The following LCN1 variants were observed in gnomAD, a reference collection of about 807,000 sequenced individuals.
The protein encoded by LCN1 is lipocalin 1.
LCN1 carries 25 observed loss-of-function variants against 22.3 expected under a neutral mutation model. That is an observed-to-expected ratio of 1.12 (90% CI 0.82 to 1.56). The LOEUF (loss-of-function observed/expected upper bound fraction) is 1.56. Ranked by LOEUF, LCN1 falls within the 40% of genes most tolerant of loss-of-function variation. LCN1 has a pLI of 0.00. For synonymous variants in LCN1, 85 were observed against 97.6 expected (o/e 0.87, Z 0.76); for missense variants, 219 against 235.6 (o/e 0.93, Z 0.46).
chr9:135,524,034 C>G lies in LCN1; in HGVS notation c.403+44C>G, dbSNP rs372091204. On this transcript the variant is annotated intron_variant, in intron 4 of 6. Transcript: ENST00000371781. ...CCCTGCAACCCATGCCTCCACCTGC[C>G]CTCCCTCCTCCCTCGGCCTCCTGCA... 2.1e-5 allele frequency: 29 copies of G among 1,412,534 alleles called. 1 individual carries two copies. The African/African-American group carries it at 3.0e-4, about 14-fold the overall frequency. The allele number at this position is 1,412,534 out of a possible 1,614,324, so 87.5% of individuals were successfully genotyped here.
At position 135,522,028 on chromosome 9, in the gene LCN1, A is replaced by G. The variant is rs1421528019; in HGVS notation, c.91-19A>G. ...CTGGAGCAGTCGGCCTGAGCCTGATAGAGAGGGGCCTTCTCCAGGTGTCAG... is the reference window on the plus strand; with the variant it reads ...CTGGAGCAGTCGGCCTGAGCCTGATGGAGAGGGGCCTTCTCCAGGTGTCAG... On this transcript the variant is annotated intron_variant, in intron 1 of 6. Coordinates refer to ENST00000371781, the MANE Select transcript of LCN1 (RefSeq NM_002297.4). 6.3e-7 allele frequency: 1 copy of G among 1,589,954 alleles called. No homozygotes were observed. The highest frequency in any genetic ancestry group is 8.6e-7 in the Non-Finnish European group (1 of 1,168,680).
At position 135,526,538 on chromosome 9, in the gene LCN1, T is replaced by C. The variant is rs1449879327; in HGVS notation, c.*196T>C. The C allele has an allele frequency of 2.5e-6, 3 of 1,196,396 alleles. No individual in the cohort carries two copies. The African/African-American group carries it at 4.7e-5, about 19-fold the overall frequency. 74.1% of individuals were successfully genotyped at this position (1,196,396 alleles called of 1,614,324 possible). On this transcript the variant is annotated 3_prime_UTR_variant, in exon 7 of 7. Coordinates refer to ENST00000371781, the MANE Select transcript of LCN1 (RefSeq NM_002297.4). ...CATAAAGAGCTTCAGCAGTTCCCAG[T>C]GACTCCGCCTGTCTGTGGGGTCCCT...
intron 3 of LCN1, 44 bp downstream of exon 3, chr9:135,523,346 C>T: frequency 1.9e-6 from 3 of 1,573,472 alleles, no homozygotes; most frequent in Non-Finnish European, 2.6e-6. Flanking sequence ...TGAACACACG[C>T]TGGATGTGCG....
intron 6 of LCN1, among the ~76,000 whole-genome samples, chr9:135,525,582 C>T (rs968598275): frequency 6.6e-6 from 1 of 152,114 alleles, no homozygotes; most frequent in Non-Finnish European, 1.5e-5. Flanking sequence ...AGATGGGCCC[C>T]TTGCTGGCTG....
At chr9:135,525,246 A>AGGTAGGAG in intron 6 of LCN1, 88 bp downstream of exon 6, 1 of 1,332,786 alleles carries the variant, frequency 7.5e-7, no homozygotes, top group Non-Finnish European at 1.0e-6. Flanking sequence ...TCTCCCACCC[A>AGGTAGGAG]TCCCACTCCT....
chr9:135,523,264 T>G lies in LCN1; in HGVS notation c.254T>G (p.Val85Gly). 2 of 1,612,482 alleles carry G rather than the reference T, an allele frequency of 1.2e-6. No homozygotes were observed. The highest frequency in any genetic ancestry group is 1.7e-6 in the Non-Finnish European group (2 of 1,179,782). ...GGCCGGTGCCAGGAGGTGAAGGCCG[T>G]CCTGGAGAAAACTGACGAGCCGGGA... ...ISGRCQEVKA[V>G]LEKTDEPGKY... The change falls in exon 3 of 7, where the codon GTC (valine) becomes GGC (glycine). Residue 85 changes from valine to glycine, a missense_variant. By Grantham distance (109) the Val-to-Gly change is moderately radical. Transcript: ENST00000371781.
chr9:135,524,655 T>C (rs1564230433), intron 4 of LCN1, among the ~76,000 whole-genome samples, 175 bp from the exon 5 acceptor site: 1 of 152,154 alleles, frequency 6.6e-6, no homozygotes. Flanking sequence ...AGGAGCCTTC[T>C]CAGCCGTGCA....
chr9:135,524,216 G>A lies in LCN1; in HGVS notation c.403+226G>A, dbSNP rs1196245274. On this transcript the variant is annotated intron_variant, in intron 4 of 6. Transcript: ENST00000371781. Reference sequence around the variant, plus strand: ...TGCAGCAGAGGCAGGAAGGAGCCACGGCTGCAGGCACAGGGGTTCAAAGGT... The same window carrying A: ...TGCAGCAGAGGCAGGAAGGAGCCACAGCTGCAGGCACAGGGGTTCAAAGGT... 4.6e-5 allele frequency among the ~76,000 whole-genome samples: 7 copies of A among 152,316 alleles called. No homozygotes were observed. In the East Asian group the frequency reaches 7.7e-4, roughly 17 times the overall value.
Position 135,521,562 on chromosome 9 carries a change from T to A in LCN1, c.65T>A (p.Leu22Gln), listed in dbSNP as rs573421494. Residue 22 changes from leucine (L) to glutamine (Q), a missense_variant, in exon 1 of 7, where the codon CTG (leucine) becomes CAG (glutamine). By Grantham distance (113) the Leu-to-Gln change is moderately radical (BLOSUM62 -2). Transcript: ENST00000371781. Reference sequence around the variant, plus strand: ...GCTGCCCTGCAGGCCCACCACCTCCTGGCCTCAGACGAGGAGATTCAGGAT... The same window carrying A: ...GCTGCCCTGCAGGCCCACCACCTCCAGGCCTCAGACGAGGAGATTCAGGAT... ...LIAALQAHHLLASDEEIQDVS... is the reference protein window; with the variant it reads ...LIAALQAHHLQASDEEIQDVS... 3.1e-6 allele frequency: 5 copies of A among 1,613,438 alleles called. No individual in the cohort carries two copies. In the South Asian group the frequency reaches 5.5e-5, roughly 18 times the overall value.
Position 135,521,543 on chromosome 9 carries a change from C to G in LCN1, c.46C>G (p.Leu16Val), listed in dbSNP as rs777829454. The stretch of plus-strand genomic sequence containing the variant: ...CGTCAGCCTTGGCCTCATTGCTGCC[C>G]TGCAGGCCCACCACCTCCTGGCCTC... Reference protein sequence around the residue: ...LAVSLGLIAALQAHHLLASDE... With the variant: ...LAVSLGLIAAVQAHHLLASDE... The change falls in exon 1 of 7, where the codon CTG (leucine) becomes GTG (valine). Residue 16 changes from leucine to valine, a missense_variant. By Grantham distance (32) the Leu-to-Val change is conservative. Transcript: ENST00000371781. The G allele has an allele frequency of 6.2e-7, 1 of 1,613,644 alleles. No homozygotes were observed. Among genetic ancestry groups the G allele is most frequent in the Non-Finnish European group, 8.5e-7 (1 of 1,180,006 alleles).
In LCN1 at chr9:135,525,163, G is replaced by A. The variant is rs113643267; in HGVS notation, c.*1+5G>A. 6.2e-7 allele frequency: 1 copy of A among 1,613,516 alleles called. No homozygotes were observed. The highest frequency in any genetic ancestry group is 1.3e-5 in the African/African-American group (1 of 75,046). On this transcript the variant is annotated splice_donor_5th_base_variant and intron_variant, in intron 6 of 6. Transcript: ENST00000371781. ...GCTCTCCAGGGAGCGATTAGGGTGA[G>A]TGAACAGCTTTAGAGGACATTTGAG... is the stretch of plus-strand genomic sequence containing the variant.
intron 2 of LCN1, 99 bp from the exon 3 acceptor site, chr9:135,523,133 G>C (rs1831540346): frequency 9.1e-7 from 1 of 1,103,914 alleles, no homozygotes; most frequent in Non-Finnish European, 1.3e-6. Context: ...GCCTGTGGCA[G>C]ACTCGGGGCC....
chr9:135,525,285 C>A, intron 6 of LCN1, 127 bp downstream of exon 6: 1 of 913,352 alleles, frequency 1.1e-6, no homozygotes, highest in Non-Finnish European at 1.7e-6. Flanking sequence ...CCACGTAGGT[C>A]AGGCAGGTGG....
intron 4 of LCN1, 116 bp from the exon 5 acceptor site, chr9:135,524,714 C>A: frequency 1.3e-6 from 1 of 760,976 alleles, no homozygotes; most frequent in Non-Finnish European, 2.1e-6. Flanking sequence ...GGGTTCAATT[C>A]CCCCCACGGT....
rs758169679 is a variant in LCN1, at chr9:135,523,244, G to C, written c.234G>C (p.Arg78=). 7.4e-6 allele frequency: 12 copies of C among 1,612,178 alleles called. No individual in the cohort carries two copies. The highest frequency in any genetic ancestry group is 1.7e-5 in the Admixed American group (1 of 59,952). Residue 78 remains arginine, a synonymous_variant, in exon 3 of 7, where the codon CGG becomes CGC. Transcript: ENST00000371781. ...EAKVTMLISG[R]CQEVKAVLEK... ...TTCTGTTTTCCAGGATAAGTGGCCG[G>C]TGCCAGGAGGTGAAGGCCGTCCTGG...
chr9:135,523,913 C>T lies in LCN1; in HGVS notation c.326C>T (p.Ser109Leu), dbSNP rs758813914. 3.1e-6 allele frequency: 5 copies of T among 1,614,070 alleles called. No individual in the cohort carries two copies. In the South Asian group the frequency reaches 3.3e-5, roughly 11 times the overall value. The change falls in exon 4 of 7, where the codon TCG becomes TTG. Residue 109 changes from serine (S) to leucine (L), a missense_variant. Physicochemically the swap from Ser to Leu is moderately radical, Grantham distance 145 (BLOSUM62 -2). Coordinates refer to ENST00000371781, the MANE Select transcript of LCN1 (RefSeq NM_002297.4). ...AAGCACGTGGCATACATCATCAGGT[C>T]GCACGTGAAGGACCACTACATCTTT... ...GGKHVAYIIR[S>L]HVKDHYIFYC...
chr9:135,525,754 G>A lies in LCN1; in HGVS notation c.*2-590G>A, dbSNP rs1008936171. 1.6e-4 allele frequency among the ~76,000 whole-genome samples: 24 copies of A among 152,066 alleles called. 2 individuals carry two copies. The East Asian group carries it at 1.7e-3, about 11-fold the overall frequency. ...GCAGGGAGCTCTGTCAGCAGCCTGC[G>A]GGGGTGGTCCCTGCTCCATCCGCTC... On this transcript the variant is annotated intron_variant, in intron 6 of 6. Transcript: ENST00000371781.
intron 6 of LCN1, among the ~76,000 whole-genome samples, chr9:135,525,780 C>T (rs1351002442): frequency 6.6e-6 from 1 of 151,960 alleles, no homozygotes; most frequent in Non-Finnish European, 1.5e-5. Flanking sequence ...CCATCCGCTC[C>T]AATCTAGAGG....
At chr9:135,523,449 T>A in intron 3 of LCN1, 147 bp downstream of exon 3, 1 of 689,708 alleles carries the variant, frequency 1.4e-6, no homozygotes, top group Non-Finnish European at 2.4e-6. Flanking sequence ...CTTCTCCCAC[T>A]GGTCAATTTG....
Sources: allele counts gnomAD v4.1 joint callset (sites outside exome capture counted in the v4.1 genomes callset), GRCh38; gene constraint gnomAD v4.1.1; transcripts MANE v1.5; gene names NCBI Gene and HGNC (gene_info 2026-07-23, HGNC 2026-07-21).